C12orf60: variants seen among roughly 807,000 people sequenced by gnomAD.
C12orf60 encodes the protein uncharacterized protein C12orf60.
For missense variants in C12orf60, 284 were observed against 283.2 expected, an observed-to-expected ratio of 1.00 and a Z score of -0.02; for synonymous variants, 102 against 94.6, an observed-to-expected ratio of 1.08 and a Z score of -0.45.
At chr12:14,818,660 C>T (rs1290559415) in intron 1 of C12orf60, among the ~76,000 whole-genome samples, 2 of 151,898 alleles carry the variant, frequency 1.3e-5, no homozygotes, top group African/African-American at 4.8e-5. Flanking sequence ...TGTGCCTGTA[C>T]TCCCAGCTAC....
intron 1 of C12orf60, among the ~76,000 whole-genome samples, chr12:14,815,475 G>A (rs1359615704): frequency 6.6e-6 from 1 of 152,104 alleles, no homozygotes; most frequent in East Asian, 1.9e-4. Flanking sequence ...GGTGATACAG[G>A]GTGTAAGTGG....
rs533370487 is a variant in C12orf60, at chr12:14,806,807, T to C, written c.-25+3056T>C. ...CATGCATAGCAAAGAAGCAAGATGC[T>C]GTCTAAGGATAATTCCTCAGAACAC... On this transcript the variant is annotated intron_variant, in intron 1 of 1. Coordinates refer to ENST00000330828, the MANE Select transcript of C12orf60 (RefSeq NM_175874.4). The C allele has an allele frequency of 2.9e-5, 28 of 971,006 alleles. No homozygotes were observed. In the African/African-American group the frequency reaches 3.3e-4, roughly 11 times the overall value. 60.1% of individuals were successfully genotyped at this position (971,006 alleles called of 1,614,324 possible). A position where few individuals can be genotyped will look rare whatever the true frequency, so the allele number is the denominator to read the frequency against.
chr12:14,813,347 G>A (rs1385386948), intron 1 of C12orf60, among the ~76,000 whole-genome samples: 1 of 152,152 alleles, frequency 6.6e-6, no homozygotes, highest in Non-Finnish European at 1.5e-5. Context: ...TAGGGTATAG[G>A]TAAAATCAGG....
At chr12:14,821,994 A>G (rs1592243233) in intron 1 of C12orf60, among the ~76,000 whole-genome samples, 2 of 59,092 alleles carry the variant, frequency 3.4e-5, no homozygotes, top group Admixed American at 3.0e-4. Flanking sequence ...TGTACTTGTG[A>G]GGTGTGTGTG....
At chr12:14,819,443 G>A (rs942835775) in intron 1 of C12orf60, among the ~76,000 whole-genome samples, 1 of 151,980 alleles carries the variant, frequency 6.6e-6, no homozygotes, top group Non-Finnish European at 1.5e-5. Context: ...TTGGGATTTT[G>A]TATGTAGACA....
intron 1 of C12orf60, among the ~76,000 whole-genome samples, chr12:14,813,004 T>C (rs1193896239): frequency 6.6e-6 from 1 of 152,170 alleles, no homozygotes; most frequent in Non-Finnish European, 1.5e-5. Flanking sequence ...TGAAATGAAA[T>C]GGTCTCAGAG....
chr12:14,816,457 A>G (rs1950220261), intron 1 of C12orf60, among the ~76,000 whole-genome samples: 2 of 152,248 alleles, frequency 1.3e-5, no homozygotes. Flanking sequence ...CTTAAAAAAA[A>G]ATCAAGCAAA....
intron 1 of C12orf60, 143 bp downstream of exon 1, chr12:14,803,894 T>A (rs902854534): frequency 6.2e-6 from 1 of 160,056 alleles, no homozygotes; most frequent in Non-Finnish European, 1.4e-5. Flanking sequence ...TGTCTCCGTG[T>A]GTAAACGAAT....
At chr12:14,811,195 G>A (rs1388747054) in intron 1 of C12orf60, among the ~76,000 whole-genome samples, 1 of 152,186 alleles carries the variant, frequency 6.6e-6, no homozygotes, top group Non-Finnish European at 1.5e-5. Flanking sequence ...ATCCACTTTT[G>A]TACAGAGTTT....
intron 1 of C12orf60, among the ~76,000 whole-genome samples, chr12:14,818,529 C>T (rs1478774431): frequency 6.6e-6 from 1 of 152,144 alleles, no homozygotes; most frequent in African/African-American, 2.4e-5. Context: ...GCCTGTAATC[C>T]CAGCACTTTG....
intron 1 of C12orf60, among the ~76,000 whole-genome samples, chr12:14,804,340 T>TA (rs1039513898): frequency 6.6e-6 from 1 of 152,208 alleles, no homozygotes; most frequent in Non-Finnish European, 1.5e-5. Context: ...TTTAAACATT[T>TA]AAAAAACTAT....
intron 1 of C12orf60, among the ~76,000 whole-genome samples, chr12:14,821,431 C>T (rs1276573350): frequency 6.6e-6 from 1 of 152,138 alleles, no homozygotes; most frequent in Non-Finnish European, 1.5e-5. Context: ...CCATGACCAT[C>T]CCTTAAGTTG....
rs777031704 is a variant in C12orf60 at position 14,823,542 on chromosome 12, C to A, written c.607C>A (p.Pro203Thr). The change falls in exon 2 of 2, where the codon CCC becomes ACC. Residue 203 changes from proline to threonine, a missense_variant. Physicochemically the swap from Pro to Thr is conservative, Grantham distance 38 (BLOSUM62 -1). Transcript: ENST00000330828. ...DVLKTEDSKNPTKSAADLLEQ... is the reference protein window; with the variant it reads ...DVLKTEDSKNTTKSAADLLEQ... ...ACTAAAAACTGAGGATTCCAAAAAT[C>A]CCACAAAGTCAGCAGCAGATTTGTT... is the stretch of plus-strand genomic sequence containing the variant. The A allele has an allele frequency of 4.3e-6, 7 of 1,613,850 alleles. 1 individual carries two copies. The East Asian group carries it at 6.7e-5, about 15-fold the overall frequency.
intron 1 of C12orf60, chr12:14,814,024 T>C (rs902011888): frequency 1.3e-5 from 2 of 152,158 alleles, no homozygotes; most frequent in African/African-American, 4.8e-5. Context: ...CTTTATTTTA[T>C]TTATGGTTAG....
intron 1 of C12orf60, among the ~76,000 whole-genome samples, chr12:14,820,359 C>T (rs753444500): frequency 6.6e-6 from 1 of 151,750 alleles, no homozygotes; most frequent in Non-Finnish European, 1.5e-5. Context: ...GATTTCTACT[C>T]TTTATTATTT....
intron 1 of C12orf60, among the ~76,000 whole-genome samples, chr12:14,819,759 A>C (rs1189478204): frequency 6.6e-6 from 1 of 152,084 alleles, no homozygotes; most frequent in Admixed American, 6.6e-5. Flanking sequence ...TGATATGATC[A>C]TATGGTTTTT....
chr12:14,812,659 C>T (rs1232594026), intron 1 of C12orf60, among the ~76,000 whole-genome samples: 1 of 152,018 alleles, frequency 6.6e-6, no homozygotes, highest in African/African-American at 2.4e-5. Flanking sequence ...ATTTTTATTA[C>T]TTTTGATATG....
Position 14,823,403 on chromosome 12 carries a change from C to T in C12orf60, c.468C>T (p.Phe156=). 1 of 1,614,056 alleles carries T rather than the reference C, an allele frequency of 6.2e-7. No homozygotes were observed. Among genetic ancestry groups the T allele is most frequent in the Non-Finnish European group, 8.5e-7 (1 of 1,179,996 alleles). Residue 156 remains phenylalanine (F), a synonymous_variant, in exon 2 of 2, where the codon TTC becomes TTT. Coordinates refer to ENST00000330828, the MANE Select transcript of C12orf60 (RefSeq NM_175874.4). ...TCATGAATCTTCAATTAAGTGACTT[C>T]TATACAGAAGACACCAAAGAGCAAT... is the stretch of plus-strand genomic sequence containing the variant. ...FPIMNLQLSD[F]YTEDTKEQSD... is the part of the protein sequence containing the mutation.
At chr12:14,821,997 T>G in intron 1 of C12orf60, among the ~76,000 whole-genome samples, 2 of 103,854 alleles carry the variant, frequency 1.9e-5, no homozygotes, top group Non-Finnish European at 3.8e-5. Flanking sequence ...ACTTGTGAGG[T>G]GTGTGTGGGG....
Sources: allele counts gnomAD v4.1 joint callset (sites outside exome capture counted in the v4.1 genomes callset), GRCh38; gene constraint gnomAD v4.1.1; transcripts MANE v1.5; gene names NCBI Gene and HGNC (gene_info 2026-07-23, HGNC 2026-07-21).